GSK3B: variants seen among roughly 807,000 people sequenced by gnomAD.
GSK3B encodes the protein glycogen synthase kinase-3 beta.
Under a neutral mutation model 56.4 loss-of-function variants are expected in GSK3B, and 15 were observed. The observed-to-expected ratio is 0.27, with a 90% confidence interval of 0.18 to 0.41. The LOEUF (loss-of-function observed/expected upper bound fraction) is 0.41, where lower values mean the gene tolerates loss of function less well. Among genes scored for constraint, GSK3B ranks in the 10% least tolerant of loss-of-function variants. The probability of loss-of-function intolerance (pLI) is 1.00; values close to 1 mark genes in which losing one functional copy is unlikely to be tolerated. For synonymous variants in GSK3B, 181 were observed against 188.9 expected, an observed-to-expected ratio of 0.96 and a Z score of 0.34; for missense variants, 300 against 513.4, an observed-to-expected ratio of 0.58 and a Z score of 4.02.
chr3:119,842,536 C>T (rs79534573), intron 10 of GSK3B, among the ~76,000 whole-genome samples: 3,944 of 152,186 alleles, frequency 0.026, 176 homozygotes, highest in African/African-American at 0.089. Flanking sequence ...TCAGTAACAA[C>T]ATATTTATAT....
In GSK3B at chr3:119,965,214, G is replaced by A. The variant is rs983210653; in HGVS notation, c.283-17863C>T. On this transcript the variant is annotated intron_variant, in intron 2 of 10. Coordinates refer to ENST00000264235, the MANE Select transcript of GSK3B (RefSeq NM_001146156.2). Reference sequence around the variant, plus strand: ...CTTACAGGCACCTGCCACCAAGTCCGACTAATTTTTGTATTTTTTTTTTTT... The same window carrying A: ...CTTACAGGCACCTGCCACCAAGTCCAACTAATTTTTGTATTTTTTTTTTTT... Among the ~76,000 whole-genome samples the A allele has an allele frequency of 1.7e-3, 261 of 149,304 alleles. 1 individual carries two copies. The highest frequency in any genetic ancestry group is 5.5e-3 in the African/African-American group (223 of 40,808).
At chr3:120,023,790 T>C (rs1210201517) in intron 1 of GSK3B, among the ~76,000 whole-genome samples, 2 of 152,106 alleles carry the variant, frequency 1.3e-5, no homozygotes, top group African/African-American at 4.8e-5. Flanking sequence ...AAATGGTCAA[T>C]CTCAGAGGTC....
At chr3:120,027,874 T>C (rs2057941126) in intron 1 of GSK3B, among the ~76,000 whole-genome samples, 1 of 152,228 alleles carries the variant, frequency 6.6e-6, no homozygotes, top group South Asian at 2.1e-4. Flanking sequence ...TAAAATGTTT[T>C]AAAGATAAAT....
chr3:119,971,760 C>T (rs1405340217), intron 2 of GSK3B, among the ~76,000 whole-genome samples: 2 of 149,092 alleles, frequency 1.3e-5, no homozygotes, highest in African/African-American at 2.5e-5. Flanking sequence ...TACAGGCGCC[C>T]GCCACTACGC....
intron 1 of GSK3B, among the ~76,000 whole-genome samples, chr3:120,079,666 A>T (rs1031076078): frequency 6.6e-6 from 1 of 152,156 alleles, no homozygotes; most frequent in Non-Finnish European, 1.5e-5. Flanking sequence ...AAGTACTGGG[A>T]TTACAGGAGT....
intron 1 of GSK3B, among the ~76,000 whole-genome samples, chr3:120,059,649 C>A (rs1377022613): frequency 6.6e-6 from 1 of 152,210 alleles, no homozygotes; most frequent in African/African-American, 2.4e-5. Flanking sequence ...AGTTCAACTT[C>A]CTCACCCAAA....
intron 9 of GSK3B, among the ~76,000 whole-genome samples, chr3:119,860,279 T>C (rs72967147): frequency 0.012 from 1,846 of 152,290 alleles, 31 homozygotes; most frequent in African/African-American, 0.042. Context: ...GATTCAGCTA[T>C]GGCTGAATTT....
At chr3:120,006,853 A>G (rs1279334783) in intron 1 of GSK3B, among the ~76,000 whole-genome samples, 1 of 152,168 alleles carries the variant, frequency 6.6e-6, no homozygotes, top group Non-Finnish European at 1.5e-5. Flanking sequence ...AATTAAAAGA[A>G]CTAGACAAGC....
intron 2 of GSK3B, among the ~76,000 whole-genome samples, chr3:119,993,138 T>C (rs1405136281): frequency 2.2e-5 from 3 of 134,486 alleles, no homozygotes; most frequent in South Asian, 4.6e-4. Flanking sequence ...ACCTCCTGTG[T>C]AAGGAAGAAA....
chr3:119,945,585 C>T (rs2057092315), intron 3 of GSK3B, among the ~76,000 whole-genome samples: 1 of 152,148 alleles, frequency 6.6e-6, no homozygotes, highest in African/African-American at 2.4e-5. Flanking sequence ...AAACCAAAAC[C>T]AGACAAGTAA....
intron 4 of GSK3B, 22 bp from the exon 5 acceptor site, chr3:119,916,196 A>G: frequency 6.4e-7 from 1 of 1,569,598 alleles, no homozygotes; most frequent in Non-Finnish European, 8.8e-7. Context: ...AGTAGAAATT[A>G]ATTAAATACT....
intron 1 of GSK3B, among the ~76,000 whole-genome samples, chr3:120,086,183 T>C (rs1218281181): frequency 6.7e-6 from 1 of 149,298 alleles, no homozygotes; most frequent in Admixed American, 6.7e-5. Flanking sequence ...CAATTCCATA[T>C]ATACTAAGGA....
intron 1 of GSK3B, among the ~76,000 whole-genome samples, chr3:120,017,399 T>A (rs74678430): frequency 6.6e-6 from 1 of 152,144 alleles, no homozygotes; most frequent in Non-Finnish European, 1.5e-5. Flanking sequence ...ATATATTTTT[T>A]AAATCAATTA....
At chr3:119,835,157 C>A (rs949250272) in intron 10 of GSK3B, among the ~76,000 whole-genome samples, 8 of 152,202 alleles carry the variant, frequency 5.3e-5, no homozygotes, top group African/African-American at 1.9e-4. Context: ...TGTATGTGCA[C>A]ACATGCACAC....
chr3:120,093,971 G>A lies in GSK3B; in HGVS notation c.-537C>T, dbSNP rs1450298102. The A allele has an allele frequency of 4.7e-6, 1 of 212,068 alleles. No homozygotes were observed. The highest frequency in any genetic ancestry group is 2.3e-5 in the African/African-American group (1 of 43,912). 13.1% of individuals were successfully genotyped at this position (212,068 alleles called of 1,614,324 possible). A position where few individuals can be genotyped will look rare whatever the true frequency, so the allele number is the denominator to read the frequency against. ...ACGCTGCAGCTCCGGCAAGCCGCGG[G>A]ATCCGGCGGGCTGACGGCAGGGGCC... is the stretch of plus-strand genomic sequence containing the variant. On this transcript the variant is annotated 5_prime_UTR_variant, in exon 1 of 11. Coordinates refer to ENST00000264235, the MANE Select transcript of GSK3B (RefSeq NM_001146156.2).
chr3:119,967,298 A>T (rs1174215913), intron 2 of GSK3B, among the ~76,000 whole-genome samples: 1 of 152,114 alleles, frequency 6.6e-6, no homozygotes, highest in Non-Finnish European at 1.5e-5. Flanking sequence ...GGCTGGTCTC[A>T]AACTCCTGAT....
intron 1 of GSK3B, among the ~76,000 whole-genome samples, chr3:120,019,045 A>T (rs1200033383): frequency 6.6e-6 from 1 of 152,144 alleles, no homozygotes; most frequent in African/African-American, 2.4e-5. Flanking sequence ...ATCAATAAAC[A>T]AACAAAAAAA....
intron 8 of GSK3B, among the ~76,000 whole-genome samples, chr3:119,871,444 A>G (rs2056249131): frequency 6.6e-6 from 1 of 152,180 alleles, no homozygotes. Flanking sequence ...TTGGCAACAA[A>G]TATTTTGAAG....
intron 1 of GSK3B, among the ~76,000 whole-genome samples, chr3:120,016,204 T>C (rs538928880): frequency 6.6e-6 from 1 of 152,310 alleles, no homozygotes; most frequent in African/African-American, 2.4e-5. Context: ...GGGAGTTTAC[T>C]AAAATGAAGA....
Sources: gnomAD v4.1 joint callset for allele counts (sites outside exome capture counted in the v4.1 genomes callset) on GRCh38, gnomAD v4.1.1 for gene constraint, MANE v1.5 for transcripts, NCBI Gene and HGNC (gene_info 2026-07-23, HGNC 2026-07-21) for gene names.